Variants in PARVA observed in about 807,000 individuals in gnomAD.
The protein encoded by PARVA is parvin alpha.
In PARVA, 25 loss-of-function variants were observed where a neutral mutation model predicts 52.6. That is an observed-to-expected ratio of 0.48 (90% CI 0.35 to 0.66). PARVA has a LOEUF of 0.66. Among genes scored for constraint, PARVA ranks in the 30% least tolerant of loss-of-function variants. PARVA has a pLI of 0.01. For missense variants in PARVA, 373 were observed against 450.9 expected (o/e 0.83, Z 1.56); for synonymous variants, 185 against 179.1 (o/e 1.03, Z -0.26).
At chr11:12,491,373 G>C (rs1228602575) in intron 4 of PARVA, among the ~76,000 whole-genome samples, 1 of 152,018 alleles carries the variant, frequency 6.6e-6, no homozygotes, top group Non-Finnish European at 1.5e-5. Context: ...TCGCTATGTT[G>C]CCCAGGCTGG....
intron 12 of PARVA, among the ~76,000 whole-genome samples, chr11:12,527,000 A>G (rs7127693): frequency 2.6e-5 from 4 of 152,160 alleles, no homozygotes; most frequent in African/African-American, 4.8e-5. Flanking sequence ...GCCAGCTGCC[A>G]GTTTCCAGCC....
rs200487897 is a variant in PARVA, at chr11:12,513,377, T to C, written c.798+17T>C. 6.8e-6 allele frequency: 11 copies of C among 1,609,850 alleles called. No individual in the cohort carries two copies. The highest frequency in any genetic ancestry group is 9.4e-6 in the Non-Finnish European group (11 of 1,176,182). On this transcript the variant is annotated intron_variant, in intron 9 of 12. Transcript: ENST00000334956. Reference sequence around the variant, plus strand: ...GTGAAAAAGGTGGGAAAGGGGTGCCTGGGATGGACAGAGGGAAGCGAGATG... The same window carrying C: ...GTGAAAAAGGTGGGAAAGGGGTGCCCGGGATGGACAGAGGGAAGCGAGATG...
At chr11:12,510,786 T>A (rs767676752) in intron 7 of PARVA, among the ~76,000 whole-genome samples, 139 of 152,202 alleles carry the variant, frequency 9.1e-4, no homozygotes, top group Non-Finnish European at 9.3e-4. Context: ...ATGATTCAAT[T>A]ACCTCCCCCT....
chr11:12,523,178 T>C (rs113985989), intron 12 of PARVA, among the ~76,000 whole-genome samples: 2,053 of 152,262 alleles, frequency 0.013, 49 homozygotes, highest in African/African-American at 0.043. Flanking sequence ...GATAGGGCAG[T>C]AGGTCACCAC....
intron 1 of PARVA, among the ~76,000 whole-genome samples, chr11:12,454,812 A>T (rs2135017590): frequency 6.6e-6 from 1 of 152,326 alleles, no homozygotes; most frequent in Non-Finnish European, 1.5e-5. Flanking sequence ...AGCTCTTAAA[A>T]ATAAGGATCC....
At chr11:12,470,878 G>A (rs1411221221) in intron 1 of PARVA, among the ~76,000 whole-genome samples, 1 of 152,132 alleles carries the variant, frequency 6.6e-6, no homozygotes, top group Non-Finnish European at 1.5e-5. Flanking sequence ...GAGAGTGGGG[G>A]AAATGCAAGC....
chr11:12,437,626 G>C (rs1940404216), intron 1 of PARVA, among the ~76,000 whole-genome samples: 1 of 152,176 alleles, frequency 6.6e-6, no homozygotes, highest in South Asian at 2.1e-4. Context: ...TTAGAGAGTG[G>C]ATATAGGGAT....
intron 1 of PARVA, among the ~76,000 whole-genome samples, chr11:12,424,361 GCAGCATTTC>G (rs1940196615): frequency 6.6e-6 from 1 of 151,982 alleles, no homozygotes; most frequent in South Asian, 2.1e-4. Context: ...ATCGTGTCCT[GCAGCATTTC>G]CTATTACCTC....
At chr11:12,448,550 A>G (rs1322495004) in intron 1 of PARVA, among the ~76,000 whole-genome samples, 1 of 152,194 alleles carries the variant, frequency 6.6e-6, no homozygotes, top group Non-Finnish European at 1.5e-5. Flanking sequence ...ATCAACAGGG[A>G]CCAAGGCAGA....
At chr11:12,506,122 T>C (rs1941428561) in intron 6 of PARVA, among the ~76,000 whole-genome samples, 1 of 152,164 alleles carries the variant, frequency 6.6e-6, no homozygotes, top group South Asian at 2.1e-4. Flanking sequence ...TCTGGAAATG[T>C]CTGTACCTTC....
intron 1 of PARVA, among the ~76,000 whole-genome samples, chr11:12,384,238 T>C (rs1022092131): frequency 2.0e-5 from 3 of 152,232 alleles, no homozygotes; most frequent in Non-Finnish European, 4.4e-5. Flanking sequence ...AGTCTCCTGA[T>C]ACTGGTTTCC....
rs146574468 is a variant in PARVA at position 12,473,232 on chromosome 11, A to G, written c.137-513A>G. On this transcript the variant is annotated intron_variant, in intron 1 of 12. Transcript: ENST00000334956. The stretch of plus-strand genomic sequence containing the variant: ...TGGCTGGGGTTGGGTGGAGGTGGGA[A>G]GGCAGATAATCAGGAGAGTACCTCA... 2.5e-3 allele frequency among the ~76,000 whole-genome samples: 386 copies of G among 152,228 alleles called. 9 individuals carry two copies. The East Asian group carries it at 0.065, about 26-fold the overall frequency.
chr11:12,457,661 T>C (rs1026132968), intron 1 of PARVA, among the ~76,000 whole-genome samples: 1 of 152,202 alleles, frequency 6.6e-6, no homozygotes, highest in African/African-American at 2.4e-5. Context: ...AGGGCCAGCA[T>C]CAACAGACCA....
chr11:12,523,220 C>T (rs1941660644), intron 12 of PARVA, among the ~76,000 whole-genome samples: 1 of 152,194 alleles, frequency 6.6e-6, no homozygotes, highest in South Asian at 2.1e-4. Context: ...ATGGATCCTG[C>T]CCCGGTGGGG....
At chr11:12,415,662 G>A (rs1249492657) in intron 1 of PARVA, among the ~76,000 whole-genome samples, 1 of 152,194 alleles carries the variant, frequency 6.6e-6, no homozygotes, top group Non-Finnish European at 1.5e-5. Context: ...AGACATACAT[G>A]TTAGAATAAT....
At chr11:12,481,681 A>G (rs1199216463) in intron 4 of PARVA, among the ~76,000 whole-genome samples, 2 of 152,212 alleles carry the variant, frequency 1.3e-5, no homozygotes, top group South Asian at 2.1e-4. Context: ...TTAACTAGGC[A>G]TGACTGTTCC....
rs374829053 is a variant in PARVA at position 12,519,942 on chromosome 11, AC to A, written c.1042+1428del. Among the ~76,000 whole-genome samples, 38 of 152,252 alleles carry A rather than the reference AC, an allele frequency of 2.5e-4. 2 individuals are homozygous for A. The East Asian group carries it at 2.5e-3, about 10-fold the overall frequency. ...CTTGTTCTGTGGGCAGATGATGAGC[AC>A]CCTGCTTCTGGGAGGACAGACACAG... On this transcript the variant is annotated intron_variant, in intron 12 of 12. Coordinates refer to ENST00000334956, the MANE Select transcript of PARVA (RefSeq NM_018222.5).
intron 1 of PARVA, among the ~76,000 whole-genome samples, chr11:12,472,689 A>G (rs1940949859): frequency 6.6e-6 from 1 of 152,166 alleles, no homozygotes; most frequent in African/African-American, 2.4e-5. Flanking sequence ...AGAGTCAATA[A>G]AAAAAATAAA....
In PARVA at chr11:12,522,246, T is replaced by C. The variant is rs148123881; in HGVS notation, c.1042+3729T>C. ...ATGGATTATAATACAACCATGACAA[T>C]AAAAAAGACTGAACTGAGAAGTCAG... On this transcript the variant is annotated intron_variant, in intron 12 of 12. Transcript: ENST00000334956. Among the ~76,000 whole-genome samples, 448 of 152,094 alleles carry C rather than the reference T, an allele frequency of 2.9e-3. 4 individuals are homozygous for C. The highest frequency in any genetic ancestry group is 0.017 in the Middle Eastern group (5 of 294).
Sources: gnomAD v4.1 joint callset for allele counts (sites outside exome capture counted in the v4.1 genomes callset) on GRCh38, gnomAD v4.1.1 for gene constraint, MANE v1.5 for transcripts, NCBI Gene and HGNC (gene_info 2026-07-23, HGNC 2026-07-21) for gene names.